The following VAC14 variants were observed in gnomAD, a reference collection of about 807,000 sequenced individuals.
VAC14 encodes protein VAC14 homolog.
A neutral mutation model predicts 85.3 loss-of-function variants in VAC14; 47 were observed. The observed-to-expected ratio is 0.55, with a 90% CI of 0.44 to 0.70. The LOEUF is 0.70. VAC14 is among the 30% of genes least tolerant of loss of function. VAC14 has a pLI of 0.00. For missense variants in VAC14, 861 were observed against 1,004.3 expected (o/e 0.86, Z 1.93); for synonymous variants, 447 against 430.5 (o/e 1.04, Z -0.47).
chr16:70,751,530 T>C (rs1006256329), intron 12 of VAC14, among the ~76,000 whole-genome samples: 15 of 152,370 alleles, frequency 9.8e-5, no homozygotes, highest in Admixed American at 8.5e-4. Flanking sequence ...CTGGAAAACC[T>C]TGGGGTCTTC....
chr16:70,693,060 C>G, intron 17 of VAC14, 89 bp from the exon 18 acceptor site: 2 of 1,482,488 alleles, frequency 1.3e-6, no homozygotes, highest in Non-Finnish European at 9.0e-7. Context: ...TGGCCAGGAC[C>G]ACCTGGGACT....
rs1311020525 is a variant in VAC14, at chr16:70,780,853, C to T, written c.1033G>A (p.Gly345Arg). ...EDDELDELRP[G>R]QRQAEPTPDD... ...GGGGTGGGCTCTGCCTGCCTCTGCCCAGGTCTCAGCTCATCCAGCTCGTCG... is the reference window on the plus strand; with the variant it reads ...GGGGTGGGCTCTGCCTGCCTCTGCCTAGGTCTCAGCTCATCCAGCTCGTCG... Residue 345 changes from glycine to arginine, a missense_variant, in exon 9 of 19, where the codon GGG becomes AGG. Coordinates refer to ENST00000261776, the MANE Select transcript of VAC14 (RefSeq NM_018052.5). 5 of 1,613,970 alleles carry T rather than the reference C, an allele frequency of 3.1e-6. No homozygotes were observed. In the African/African-American group the frequency reaches 5.3e-5, roughly 17 times the overall value.
chr16:70,720,642 G>A (rs932462479), intron 14 of VAC14, among the ~76,000 whole-genome samples: 1 of 152,198 alleles, frequency 6.6e-6, no homozygotes, highest in Non-Finnish European at 1.5e-5. Context: ...AGCAAGCCTG[G>A]GGGCAGAAGG....
At position 70,695,589 on chromosome 16, in the gene VAC14, C is replaced by G; in HGVS notation, c.1990G>C (p.Glu664Gln). ...ATCAGCTGCACCAGCTTGTCCACCT[C>G]TGCGAGGAAGTCCACGGTGACCTCC... ...DLEVTVDFLA[E>Q]VDKLVQLIEC... The change falls in exon 17 of 19, where the codon GAG becomes CAG. Residue 664 changes from glutamate to glutamine, a missense_variant. This residue lies in a region of VAC14 where 163 missense variants were observed against 162.2 expected (regional missense o/e 1.00). Transcript: ENST00000261776. 1.2e-6 allele frequency: 2 copies of G among 1,613,940 alleles called. No homozygotes were observed. The highest frequency in any genetic ancestry group is 1.7e-6 in the Non-Finnish European group (2 of 1,179,972).
intron 13 of VAC14, among the ~76,000 whole-genome samples, chr16:70,734,979 G>A (rs751195157): frequency 2.0e-5 from 3 of 152,134 alleles, no homozygotes; most frequent in South Asian, 2.1e-4. Context: ...CTGTCTCTTC[G>A]GCACTAATGT....
At position 70,731,408 on chromosome 16, in the gene VAC14, A is replaced by C. The variant is rs114269581; in HGVS notation, c.1661+87T>G. ...AAGGAGGAGAGAGAAGGGAAAGAGAAGGTGGCTGCTTTGACACTTGAATGG... is the reference window on the plus strand; with the variant it reads ...AAGGAGGAGAGAGAAGGGAAAGAGACGGTGGCTGCTTTGACACTTGAATGG... On this transcript the variant is annotated intron_variant, in intron 14 of 18. Transcript: ENST00000261776. 8.6e-4 allele frequency: 1,325 copies of C among 1,542,000 alleles called. 10 individuals carry two copies. In the African/African-American group the frequency reaches 0.016, roughly 19 times the overall value.
intron 13 of VAC14, among the ~76,000 whole-genome samples, chr16:70,743,169 T>C (rs1335769405): frequency 2.0e-5 from 3 of 151,750 alleles, no homozygotes; most frequent in Non-Finnish European, 2.9e-5. Context: ...AACGCACCAA[T>C]CAGCACTGTG....
rs1026655754 is a variant in VAC14, at chr16:70,768,313, G to A, written c.1160+3796C>T. ...CGCTACTTGACCAAGGCCACAGCCA[G>A]GCATGCTGGAGTTAGGGCATGAATC... On this transcript the variant is annotated intron_variant, in intron 10 of 18. Coordinates refer to ENST00000261776, the MANE Select transcript of VAC14 (RefSeq NM_018052.5). 1.9e-5 allele frequency: 3 copies of A among 157,484 alleles called. 1 individual carries two copies. 9.8% of individuals were successfully genotyped at this position (157,484 alleles called of 1,614,324 possible).
chr16:70,762,720 T>C lies in VAC14; in HGVS notation c.1306-115A>G. 6.7e-7 allele frequency: 1 copy of C among 1,486,490 alleles called. No homozygotes were observed. Among genetic ancestry groups the C allele is most frequent in the Non-Finnish European group, 9.2e-7 (1 of 1,083,456 alleles). 92.1% of individuals were successfully genotyped at this position (1,486,490 alleles called of 1,614,324 possible). A position where few individuals can be genotyped will look rare whatever the true frequency, so the allele number is the denominator to read the frequency against. On this transcript the variant is annotated intron_variant, in intron 11 of 18. Transcript: ENST00000261776. This position sits in a 1 kb window ranked among gnomAD's most constrained non-coding sequence, Gnocchi z 4.1. ...CACTGGTCTGCACGGACCACTTCCC[T>C]CCCCGACACAATGAGGGCTCCTCGC...
chr16:70,746,358 C>T (rs575270765), intron 12 of VAC14, among the ~76,000 whole-genome samples: 3 of 152,340 alleles, frequency 2.0e-5, no homozygotes, highest in African/African-American at 7.2e-5. Context: ...TCCCTTCATC[C>T]CTCTCCCACT....
At chr16:70,756,186 G>A (rs1046970167) in intron 12 of VAC14, 17 of 434,376 alleles carry the variant, frequency 3.9e-5, no homozygotes, top group Admixed American at 7.3e-5. Context: ...GAGGCAGGAA[G>A]CCAGGCAGCC....
chr16:70,697,079 C>G lies in VAC14; in HGVS notation c.1955+60G>C, dbSNP rs182801101. 6.9e-5 allele frequency: 98 copies of G among 1,428,634 alleles called. 1 individual carries two copies. The East Asian group carries it at 1.5e-3, about 21-fold the overall frequency. The allele number at this position is 1,428,634 out of a possible 1,614,324, so 88.5% of individuals were successfully genotyped here. A position where few individuals can be genotyped will look rare whatever the true frequency, so the allele number is the denominator to read the frequency against. On this transcript the variant is annotated intron_variant, in intron 16 of 18. Coordinates refer to ENST00000261776, the MANE Select transcript of VAC14 (RefSeq NM_018052.5). Reference sequence around the variant, plus strand: ...GCCCGCCTGTTGGGTGGAAAGGGGGCAGCCGGCCCCTTCCTGCCCCTCAGA... The same window carrying G: ...GCCCGCCTGTTGGGTGGAAAGGGGGGAGCCGGCCCCTTCCTGCCCCTCAGA...
intron 12 of VAC14, chr16:70,756,220 G>T (rs1311586730): frequency 2.6e-6 from 1 of 379,276 alleles, no homozygotes; most frequent in Non-Finnish European, 5.3e-6. Flanking sequence ...GCTCTGCTCT[G>T]CTCTGGGCTG....
Position 70,785,425 on chromosome 16 carries a change from G to A in VAC14, c.423+277C>T, listed in dbSNP as rs529266753. Among the ~76,000 whole-genome samples the A allele has an allele frequency of 8.5e-5, 13 of 152,368 alleles. No individual in the cohort carries two copies. The East Asian group carries it at 2.5e-3, about 29-fold the overall frequency. On this transcript the variant is annotated intron_variant, in intron 3 of 18. Transcript: ENST00000261776. The stretch of plus-strand genomic sequence containing the variant: ...CAGCATCATCCCCTTCTACCAGGGA[G>A]GCGAGTGTTTCACAGACTATCAGCT...
At chr16:70,764,105 A>C (rs1286289722) in intron 10 of VAC14, among the ~76,000 whole-genome samples, 2 of 152,204 alleles carry the variant, frequency 1.3e-5, no homozygotes, top group Non-Finnish European at 2.9e-5. Context: ...TTGCATCAGG[A>C]ACTGATGGCT....
rs545423649 is a variant in VAC14 at position 70,751,468 on chromosome 16, T to G, written c.1372-6889A>C. On this transcript the variant is annotated intron_variant, in intron 12 of 18. Coordinates refer to ENST00000261776, the MANE Select transcript of VAC14 (RefSeq NM_018052.5). Reference sequence around the variant, plus strand: ...ATCTGGGTCAGGTCCAGCAGCTACTTCTTCTGAGGTGGAGCTGATGTGAAG... The same window carrying G: ...ATCTGGGTCAGGTCCAGCAGCTACTGCTTCTGAGGTGGAGCTGATGTGAAG... 1.9e-3 allele frequency among the ~76,000 whole-genome samples: 294 copies of G among 152,328 alleles called. 2 individuals are homozygous for G. The highest frequency in any genetic ancestry group is 6.1e-3 in the African/African-American group (252 of 41,574).
chr16:70,742,940 C>G (rs540615051), intron 13 of VAC14, among the ~76,000 whole-genome samples: 2 of 152,400 alleles, frequency 1.3e-5, no homozygotes, highest in South Asian at 4.1e-4. Context: ...ACACACCAAT[C>G]AGTGCTCTGT....
At chr16:70,691,485 G>A (rs948599153) in intron 18 of VAC14, 8 of 985,482 alleles carry the variant, frequency 8.1e-6, no homozygotes, top group Non-Finnish European at 8.4e-6. Context: ...TCTCTCGGGA[G>A]CTGACAGCAC....
rs1250123179 is a variant in VAC14 at position 70,698,575 on chromosome 16, CA to C, written c.1836+61del. 3.1e-6 allele frequency: 5 copies of C among 1,597,254 alleles called. No individual in the cohort carries two copies. The African/African-American group carries it at 6.7e-5, about 21-fold the overall frequency. On this transcript the variant is annotated intron_variant, in intron 15 of 18. Transcript: ENST00000261776. ...TGGGGCCAGCCGAGGGGCGGGCTCA[CA>C]CAGGGTGTGCCCCCTGGCATGCAGG...
Sources: allele counts gnomAD v4.1 joint callset (sites outside exome capture counted in the v4.1 genomes callset), GRCh38; gene constraint gnomAD v4.1.1; regional missense constraint gnomAD v4.1.1; non-coding constraint Gnocchi (gnomAD v3.1); transcripts MANE v1.5; gene names NCBI Gene and HGNC (gene_info 2026-07-23, HGNC 2026-07-21).